The following DLG2 variants were observed in gnomAD, a reference collection of about 807,000 sequenced individuals.
DLG2 encodes the protein disks large homolog 2.
Under a neutral mutation model 132.5 loss-of-function variants are expected in DLG2, and 45 were observed. The ratio of observed to expected loss-of-function variants is 0.34; its 90% CI spans 0.27 to 0.44. DLG2 has a LOEUF of 0.44. DLG2 is among the 20% of genes least tolerant of loss of function. DLG2 has a pLI of 1.00. For synonymous variants in DLG2, 424 were observed against 419.6 expected (o/e 1.01, Z -0.13); for missense variants, 1,045 against 1,196.9 (o/e 0.87, Z 1.87).
chr11:85,457,352 C>T (rs1357698439), intron 3 of DLG2, among the ~76,000 whole-genome samples: 3 of 152,124 alleles, frequency 2.0e-5, no homozygotes, highest in African/African-American at 4.8e-5. Flanking sequence ...GATGGGTCTC[C>T]TGAAGACAGC....
intron 14 of DLG2, among the ~76,000 whole-genome samples, chr11:83,938,835 T>G (rs1037887073): frequency 1.3e-5 from 2 of 152,252 alleles, no homozygotes; most frequent in Admixed American, 1.3e-4. Context: ...AGCTGTGTGA[T>G]AAATACGGAA....
chr11:84,010,741 A>G (rs1305332397), intron 11 of DLG2, among the ~76,000 whole-genome samples: 1 of 152,168 alleles, frequency 6.6e-6, no homozygotes, highest in Admixed American at 6.6e-5. Context: ...ACCAATAGCA[A>G]AATGAGAGCA....
chr11:84,993,280 G>A (rs530183041), intron 6 of DLG2, among the ~76,000 whole-genome samples: 46 of 152,296 alleles, frequency 3.0e-4, no homozygotes, highest in African/African-American at 1.1e-3. Context: ...GGGGCAAGGA[G>A]AGGGAGAGTG....
At chr11:85,423,023 G>T (rs976855378) in intron 3 of DLG2, among the ~76,000 whole-genome samples, 2 of 151,874 alleles carry the variant, frequency 1.3e-5, no homozygotes, top group East Asian at 3.9e-4. Flanking sequence ...ACCTTGTTTT[G>T]TCATGTTACT....
chr11:85,420,860 A>G (rs2090243937), intron 3 of DLG2, among the ~76,000 whole-genome samples: 1 of 152,234 alleles, frequency 6.6e-6, no homozygotes, highest in African/African-American at 2.4e-5. Flanking sequence ...AGTGGATCTT[A>G]GCTTGCTGGG....
intron 3 of DLG2, among the ~76,000 whole-genome samples, chr11:85,584,169 C>A (rs1464657821): frequency 1.3e-5 from 2 of 152,008 alleles, no homozygotes; most frequent in Admixed American, 1.3e-4. Context: ...ACCCTCTGCC[C>A]TCTTGATGCC....
At chr11:85,615,841 G>A (rs1324882525) in intron 2 of DLG2, among the ~76,000 whole-genome samples, 1 of 151,972 alleles carries the variant, frequency 6.6e-6, no homozygotes, top group African/African-American at 2.4e-5. Context: ...TCCAGAAGCT[G>A]ACCACGAAGC....
intron 6 of DLG2, among the ~76,000 whole-genome samples, chr11:85,065,069 C>G (rs1490601566): frequency 6.6e-6 from 1 of 151,506 alleles, no homozygotes; most frequent in Non-Finnish European, 1.5e-5. Flanking sequence ...TCTAAAAAGT[C>G]TCCTGGTCTC....
intron 6 of DLG2, among the ~76,000 whole-genome samples, chr11:84,714,461 C>G (rs895268664): frequency 6.6e-6 from 1 of 152,074 alleles, no homozygotes; most frequent in Non-Finnish European, 1.5e-5. Context: ...GAGGTGCTGA[C>G]AGGCCCTCTG....
chr11:85,588,857 G>A (rs562087925), intron 3 of DLG2, among the ~76,000 whole-genome samples: 1 of 152,198 alleles, frequency 6.6e-6, no homozygotes, highest in African/African-American at 2.4e-5. Context: ...TGTCCCATGG[G>A]GTGGTCCCTT....
At chr11:84,238,042 T>TAAAAAAAAAAAAAA (rs71036414) in intron 8 of DLG2, among the ~76,000 whole-genome samples, 13 of 73,084 alleles carry the variant, frequency 1.8e-4, no homozygotes, top group Non-Finnish European at 2.6e-4. Context: ...AGACTCTGCC[T>TAAAAAAAAAAAAAA]AAAAAAAAAA....
intron 15 of DLG2, among the ~76,000 whole-genome samples, chr11:83,906,240 C>CTCTCTCTG (rs1213340037): frequency 2.2e-5 from 2 of 89,830 alleles, no homozygotes; most frequent in Non-Finnish European, 4.7e-5. Flanking sequence ...ATGTCTCTCT[C>CTCTCTCTG]TCTCTCTCTC....
chr11:84,990,530 T>A (rs993753801), intron 6 of DLG2, among the ~76,000 whole-genome samples: 1 of 152,094 alleles, frequency 6.6e-6, no homozygotes, highest in Non-Finnish European at 1.5e-5. Context: ...ATTCCCAGCT[T>A]CAAAACTACG....
intron 6 of DLG2, among the ~76,000 whole-genome samples, chr11:84,863,630 C>T (rs1450312915): frequency 1.3e-5 from 2 of 152,142 alleles, no homozygotes; most frequent in African/African-American, 4.8e-5. Context: ...AAGGCAACAT[C>T]CTAGCACCAA....
At chr11:85,417,141 T>C (rs2089935542) in intron 3 of DLG2, among the ~76,000 whole-genome samples, 1 of 152,084 alleles carries the variant, frequency 6.6e-6, no homozygotes, top group African/African-American at 2.4e-5. Flanking sequence ...TTATTGAGAG[T>C]TTTTAGCATG....
chr11:84,379,249 T>A (rs2098741000), intron 7 of DLG2, among the ~76,000 whole-genome samples: 2 of 152,102 alleles, frequency 1.3e-5, no homozygotes, highest in Non-Finnish European at 2.9e-5. Flanking sequence ...GTAGGATAAA[T>A]AATATACAAT....
At chr11:83,515,150 C>T (rs543835803) in intron 21 of DLG2, among the ~76,000 whole-genome samples, 33 of 152,188 alleles carry the variant, frequency 2.2e-4, no homozygotes, top group Non-Finnish European at 4.9e-4. Context: ...GTGAATCCAT[C>T]TGGTCCTGGA....
intron 18 of DLG2, among the ~76,000 whole-genome samples, chr11:83,759,085 G>C (rs1462765812): frequency 6.6e-6 from 1 of 152,182 alleles, no homozygotes; most frequent in Non-Finnish European, 1.5e-5. Context: ...GAATGAGTCA[G>C]AAAGATTCTG....
chr11:83,490,088 C>T (rs2093752339), intron 21 of DLG2, among the ~76,000 whole-genome samples: 1 of 151,934 alleles, frequency 6.6e-6, no homozygotes, highest in South Asian at 2.1e-4. Flanking sequence ...CCATTTTCCA[C>T]AAAAGAACCT....
Sources: gnomAD v4.1 joint callset for allele counts (sites outside exome capture counted in the v4.1 genomes callset) on GRCh38, gnomAD v4.1.1 for gene constraint, MANE v1.5 for transcripts, NCBI Gene and HGNC (gene_info 2026-07-23, HGNC 2026-07-21) for gene names.